Variants in TPD52 observed in about 807,000 individuals in gnomAD.
TPD52 encodes prostate and colon associated protein.
A neutral mutation model predicts 31.3 loss-of-function variants in TPD52; 17 were observed. That is an observed-to-expected ratio of 0.54 (90% CI 0.37 to 0.82). TPD52 has a LOEUF of 0.82. Ranked by LOEUF, TPD52 falls within the 40% of genes least tolerant of loss-of-function variation. The pLI, the probability that TPD52 is intolerant of heterozygous loss-of-function variation, is 0.00. For missense variants in TPD52, 212 were observed against 240.1 expected, an observed-to-expected ratio of 0.88 and a Z score of 0.77; for synonymous variants, 83 against 89.6, an observed-to-expected ratio of 0.93 and a Z score of 0.42.
chr8:80,089,094 T>C (rs1018315723), intron 1 of TPD52, among the ~76,000 whole-genome samples: 5 of 152,176 alleles, frequency 3.3e-5, no homozygotes, highest in African/African-American at 1.2e-4. Context: ...CGTGAGAATA[T>C]AAATTTCCAT....
At chr8:80,056,654 G>A (rs1459352794) in intron 2 of TPD52, among the ~76,000 whole-genome samples, 4 of 152,098 alleles carry the variant, frequency 2.6e-5, no homozygotes, top group African/African-American at 9.7e-5. Context: ...ACCACAAGGA[G>A]ATACCACTTC....
At chr8:80,115,970 C>G (rs998399932) in intron 1 of TPD52, among the ~76,000 whole-genome samples, 1 of 151,886 alleles carries the variant, frequency 6.6e-6, no homozygotes, top group Non-Finnish European at 1.5e-5. Context: ...ATAAATAACC[C>G]AATAAAAGAC....
At chr8:80,086,499 A>G (rs1815783600) in intron 1 of TPD52, among the ~76,000 whole-genome samples, 1 of 152,084 alleles carries the variant, frequency 6.6e-6, no homozygotes, top group South Asian at 2.1e-4. Context: ...GTGAAAATCC[A>G]CATTAAAGGA....
At chr8:80,054,489 C>A (rs1169297168) in intron 2 of TPD52, among the ~76,000 whole-genome samples, 1 of 152,112 alleles carries the variant, frequency 6.6e-6, no homozygotes, top group African/African-American at 2.4e-5. Flanking sequence ...AATTGAAAAT[C>A]TAGGTCCCTA....
chr8:80,152,944 G>C (rs1810688068), intron 1 of TPD52, among the ~76,000 whole-genome samples: 1 of 152,094 alleles, frequency 6.6e-6, no homozygotes, highest in Admixed American at 6.6e-5. Context: ...GGGAGAAAGA[G>C]AGGGTACACA....
chr8:80,133,304 C>T (rs1549462), intron 1 of TPD52, among the ~76,000 whole-genome samples: 65,636 of 151,906 alleles, frequency 0.43, 14,777 homozygotes, highest in East Asian at 0.78. Context: ...CTTAGGCAAA[C>T]GGTGACAGCC....
rs1036279158 is a variant in TPD52 at position 80,072,686 on chromosome 8, T to C, written c.20-8093A>G. On this transcript the variant is annotated intron_variant, in intron 1 of 7. Transcript: ENST00000518937. ...GTATATACATGTACACATAGATATGTGTGTATATACACACATATATACATC... is the reference window on the plus strand; with the variant it reads ...GTATATACATGTACACATAGATATGCGTGTATATACACACATATATACATC... Among the ~76,000 whole-genome samples, 2 of 59,816 alleles carry C rather than the reference T, an allele frequency of 3.3e-5. 1 individual carries two copies. Among genetic ancestry groups the C allele is most frequent in the Non-Finnish European group, 8.4e-5 (2 of 23,910 alleles). 39.2% of individuals were successfully genotyped at this position (59,816 alleles called of 152,430 possible). A position where few individuals can be genotyped will look rare whatever the true frequency, so the allele number is the denominator to read the frequency against.
chr8:80,121,134 T>C (rs562129363), intron 1 of TPD52, among the ~76,000 whole-genome samples: 2 of 151,618 alleles, frequency 1.3e-5, no homozygotes, highest in African/African-American at 4.8e-5. Flanking sequence ...AACTTATTTA[T>C]GTTGGTTTTC....
At chr8:80,033,869 C>T (rs539561453), downstream of TPD52, among the ~76,000 whole-genome samples, 15 of 152,148 alleles carry the variant, frequency 9.9e-5, no homozygotes, top group South Asian at 2.1e-4. Context: ...TCCGATTAGC[C>T]GAAATGCATT....
intron 1 of TPD52, among the ~76,000 whole-genome samples, chr8:80,074,026 T>A (rs1020933275): frequency 1.3e-5 from 2 of 152,188 alleles, no homozygotes; most frequent in South Asian, 4.1e-4. Flanking sequence ...GTCTAAGATA[T>A]CTGCTATTTA....
intron 1 of TPD52, among the ~76,000 whole-genome samples, chr8:80,165,887 AG>A (rs35359026): frequency 0.4 from 60,585 of 152,040 alleles, 12,297 homozygotes; most frequent in East Asian, 0.68. Context: ...AAACCCTAAA[AG>A]GGTAGGGAGA....
chr8:80,143,617 TTCTC>T (rs1809990711), intron 1 of TPD52, among the ~76,000 whole-genome samples: 4 of 152,284 alleles, frequency 2.6e-5, no homozygotes, highest in African/African-American at 9.6e-5. Context: ...ATGGATTCAT[TTCTC>T]TCTTTTTTTA....
chr8:80,119,814 C>T (rs1487118216), intron 1 of TPD52: 3 of 392,156 alleles, frequency 7.7e-6, no homozygotes, highest in Non-Finnish European at 1.5e-5. Flanking sequence ...AAAATACTTA[C>T]ATTTTATATG....
chr8:80,161,880 C>T (rs1415527719), intron 1 of TPD52, among the ~76,000 whole-genome samples: 1 of 151,848 alleles, frequency 6.6e-6, no homozygotes, highest in Non-Finnish European at 1.5e-5. Context: ...CAGACATGCA[C>T]CACCACGCCG....
At chr8:80,159,066 T>G (rs765763373) in intron 1 of TPD52, among the ~76,000 whole-genome samples, 3 of 150,216 alleles carry the variant, frequency 2.0e-5, no homozygotes, top group African/African-American at 2.5e-5. Context: ...TCTAAAGAAA[T>G]AAAATGTTTC....
At chr8:80,064,634 A>C (rs765388219) in intron 1 of TPD52, 41 bp from the exon 2 acceptor site, 15 of 1,468,266 alleles carry the variant, frequency 1.0e-5, no homozygotes, top group Non-Finnish European at 1.4e-5. Flanking sequence ...TGCAAAATCT[A>C]AGTAAAATCC....
chr8:80,086,416 C>A (rs766360256), intron 1 of TPD52, among the ~76,000 whole-genome samples: 8 of 151,768 alleles, frequency 5.3e-5, no homozygotes, highest in Non-Finnish European at 1.2e-4. Context: ...CGAGCCTGAC[C>A]GGAAGGTTCT....
intron 1 of TPD52, among the ~76,000 whole-genome samples, chr8:80,157,075 G>A (rs564247026): frequency 1.3e-5 from 2 of 152,126 alleles, no homozygotes; most frequent in Non-Finnish European, 2.9e-5. Context: ...TTGGATTGGA[G>A]GGAATTCACA....
At chr8:80,145,902 A>C (rs137896885) in intron 1 of TPD52, among the ~76,000 whole-genome samples, 1 of 152,194 alleles carries the variant, frequency 6.6e-6, no homozygotes, top group South Asian at 2.1e-4. Context: ...TAAAAATCTC[A>C]TATCTATAAA....
Sources: allele counts gnomAD v4.1 joint callset (sites outside exome capture counted in the v4.1 genomes callset), GRCh38; gene constraint gnomAD v4.1.1; transcripts MANE v1.5; gene names NCBI Gene and HGNC (gene_info 2026-07-23, HGNC 2026-07-21).